Variants in SPACA6 observed in about 807,000 individuals in gnomAD.
The protein encoded by SPACA6 is sperm acrosome membrane-associated protein 6.
For missense variants in SPACA6, 8 were observed against 2.8 expected (o/e 2.88, Z -1.34); for synonymous variants, 6 against 1.5 (o/e 4.05, Z -2.21).
At position 51,703,530 on chromosome 19, in the gene SPACA6, C is replaced by T. The variant is rs2083486992; in HGVS notation, c.573+193C>T. 2.0e-5 allele frequency among the ~76,000 whole-genome samples: 3 copies of T among 152,170 alleles called. No homozygotes were observed. The South Asian group carries it at 6.2e-4, about 32-fold the overall frequency. ...CAGGACCAAGGACCTGGGGCGATGG[C>T]TCACGCCTGTAATCCCAGCGCTTTT... is the stretch of plus-strand genomic sequence containing the variant. On this transcript the variant is annotated intron_variant, in intron 6 of 8. Coordinates refer to ENST00000637797, the MANE Select transcript of SPACA6 (RefSeq NM_001316972.2). This position sits in a 1 kb window ranked among gnomAD's most constrained non-coding sequence, Gnocchi z 4.2.
downstream of SPACA6, among the ~76,000 whole-genome samples, chr19:51,705,894 A>G (rs766376567): frequency 6.6e-6 from 1 of 151,998 alleles, no homozygotes; most frequent in Non-Finnish European, 1.5e-5. Context: ...ACAGGGTTTC[A>G]CCATGTGGCC....
intron 1 of SPACA6, chr19:51,694,235 G>A (rs1045369568): frequency 2.7e-6 from 1 of 365,382 alleles, no homozygotes; most frequent in African/African-American, 2.1e-5. Context: ...AACCCAGAGA[G>A]AGGAGGACAG....
downstream of SPACA6, among the ~76,000 whole-genome samples, chr19:51,707,213 A>C (rs1025648960): frequency 6.7e-6 from 1 of 150,194 alleles, no homozygotes. Flanking sequence ...GTAAAACAAA[A>C]CTGTTTCTCT....
At chr19:51,701,153 C>T (rs1039920176) in intron 2 of SPACA6, among the ~76,000 whole-genome samples, 1 of 151,948 alleles carries the variant, frequency 6.6e-6, no homozygotes, top group Non-Finnish European at 1.5e-5. Flanking sequence ...ACCCAGGAGG[C>T]GGAGGTTGCG....
At chr19:51,700,019 C>T (rs1208368535) in intron 2 of SPACA6, among the ~76,000 whole-genome samples, 1 of 152,074 alleles carries the variant, frequency 6.6e-6, no homozygotes, top group Non-Finnish European at 1.5e-5. Flanking sequence ...TTTGGGAGGC[C>T]GAGGCAGGCG....
rs1040976848 is a variant in SPACA6 at position 51,703,091 on chromosome 19, C to T, written c.456C>T (p.Asp152=). The T allele has an allele frequency of 1.0e-5, 4 of 399,396 alleles. No homozygotes were observed. The highest frequency in any genetic ancestry group is 2.1e-5 in the African/African-American group (1 of 48,650). The allele number at this position is 399,396 out of a possible 1,614,324, so 24.7% of individuals were successfully genotyped here. ...CTAGGGTCTGCGACCTCCCGCTGGA[C>T]TGCCCAGGTGAGGGGGCGGGGCCTC... ...CYSRVCDLPL[D]CPVQDVTVTR... is the part of the protein sequence containing the mutation. Residue 152 remains aspartate (D), a synonymous_variant, in exon 5 of 9, where the codon GAC becomes GAT. Transcript: ENST00000637797. This position sits in a 1 kb window ranked among gnomAD's most constrained non-coding sequence, Gnocchi z 4.2.
At chr19:51,695,155 C>T (rs1209286734) in intron 2 of SPACA6, among the ~76,000 whole-genome samples, 1 of 152,156 alleles carries the variant, frequency 6.6e-6, no homozygotes, top group Non-Finnish European at 1.5e-5. Flanking sequence ...ACAGGAACAG[C>T]AGAGTGGATC....
Position 51,705,116 on chromosome 19 carries a change from G to T in SPACA6, c.968G>T (p.Gly323Val). ...ATGTTCTTTCGATGGTACTGCAGTG[G>T]CAACTAACAAAGGTATCTTTCCTCC... ...AWMFFRWYCS[G>V]N is the part of the protein sequence containing the mutation. The change falls in exon 9 of 9, where the codon GGC (glycine) becomes GTC (valine). Residue 323 changes from glycine to valine, a missense_variant. Coordinates refer to ENST00000637797, the MANE Select transcript of SPACA6 (RefSeq NM_001316972.2). The T allele has an allele frequency of 5.0e-6, 2 of 401,246 alleles. No individual in the cohort carries two copies. The highest frequency in any genetic ancestry group is 3.6e-5 in the East Asian group (1 of 28,082). The allele number at this position is 401,246 out of a possible 1,614,324, so 24.9% of individuals were successfully genotyped here. A position where few individuals can be genotyped will look rare whatever the true frequency, so the allele number is the denominator to read the frequency against.
chr19:51,703,373 C>T lies in SPACA6; in HGVS notation c.573+36C>T. ...GCGGGGCCGGCGCGAAGAGTTTAGA[C>T]GGGCGAGTTAGCCTTCACTAGAGGT... On this transcript the variant is annotated intron_variant, in intron 6 of 8. Transcript: ENST00000637797. The surrounding 1 kb of genome is among the most constrained non-coding windows in gnomAD (Gnocchi z 4.2). The T allele has an allele frequency of 2.5e-6, 1 of 399,192 alleles. No individual in the cohort carries two copies. Among genetic ancestry groups the T allele is most frequent in the Non-Finnish European group, 4.4e-6 (1 of 226,044 alleles). 24.7% of individuals were successfully genotyped at this position (399,192 alleles called of 1,614,324 possible).
chr19:51,707,996 C>G (rs981895182), downstream of SPACA6, among the ~76,000 whole-genome samples: 5 of 152,166 alleles, frequency 3.3e-5, no homozygotes, highest in African/African-American at 1.2e-4. Flanking sequence ...CTGCAAACCC[C>G]ATAGTTTAGG....
In SPACA6 at chr19:51,703,468, G is replaced by A. The variant is rs1012056049; in HGVS notation, c.573+131G>A. The A allele has an allele frequency of 2.5e-6, 1 of 396,996 alleles. No homozygotes were observed. Among genetic ancestry groups the A allele is most frequent in the East Asian group, 3.6e-5 (1 of 27,994 alleles). The allele number at this position is 396,996 out of a possible 1,614,324, so 24.6% of individuals were successfully genotyped here. ...AGACACAAGCATCAGCAAGAGGAGG[G>A]TCGCGGGATTTAGGGGAGAGCTCGA... On this transcript the variant is annotated intron_variant, in intron 6 of 8. Transcript: ENST00000637797. This position sits in a 1 kb window ranked among gnomAD's most constrained non-coding sequence, Gnocchi z 4.2.
chr19:51,709,253 C>T (rs1462409954), downstream of SPACA6, among the ~76,000 whole-genome samples: 1 of 150,606 alleles, frequency 6.6e-6, no homozygotes, highest in African/African-American at 2.4e-5. Context: ...TGCAGTGGCT[C>T]ATGCCTGCAA....
upstream of SPACA6, among the ~76,000 whole-genome samples, chr19:51,691,550 G>A (rs953328303): frequency 9.2e-5 from 14 of 151,918 alleles, 1 homozygote; most frequent in African/African-American, 3.1e-4. Flanking sequence ...AAACAGAAGC[G>A]GGGAGAGGAG....
chr19:51,708,315 A>G (rs927732552), downstream of SPACA6, among the ~76,000 whole-genome samples: 9 of 152,298 alleles, frequency 5.9e-5, no homozygotes, highest in East Asian at 1.4e-3. Flanking sequence ...AGGGACAAAC[A>G]CCAAATATGT....
At position 51,701,370 on chromosome 19, in the gene SPACA6, G is replaced by C. The variant is rs75673478; in HGVS notation, c.293-288G>C. ...TCTCCCCCCAACAAGCTACATGCAG[G>C]TGATGTCCAGGAGGACTTCCATCCT... On this transcript the variant is annotated intron_variant, in intron 2 of 8. Transcript: ENST00000637797. Among the ~76,000 whole-genome samples the C allele has an allele frequency of 5.5e-3, 836 of 152,310 alleles. 7 individuals carry two copies. The highest frequency in any genetic ancestry group is 0.019 in the African/African-American group (777 of 41,564).
downstream of SPACA6, among the ~76,000 whole-genome samples, chr19:51,708,021 C>A (rs1355118235): frequency 6.6e-6 from 1 of 152,184 alleles, no homozygotes; most frequent in Non-Finnish European, 1.5e-5. Flanking sequence ...GTTCTGGAGG[C>A]TGCACCATGT....
intron 2 of SPACA6, among the ~76,000 whole-genome samples, chr19:51,700,127 G>A (rs905278493): frequency 1.3e-5 from 2 of 152,166 alleles, no homozygotes; most frequent in Admixed American, 1.3e-4. Context: ...GGTGGTGGGT[G>A]CCTGTAATCC....
chr19:51,703,378 G>T lies in SPACA6; in HGVS notation c.573+41G>T. On this transcript the variant is annotated intron_variant, in intron 6 of 8. Transcript: ENST00000637797. The surrounding 1 kb of genome is among the most constrained non-coding windows in gnomAD (Gnocchi z 4.2). The stretch of plus-strand genomic sequence containing the variant: ...GCCGGCGCGAAGAGTTTAGACGGGC[G>T]AGTTAGCCTTCACTAGAGGTTGGGG... 7.5e-6 allele frequency: 3 copies of T among 399,128 alleles called. No homozygotes were observed. Among genetic ancestry groups the T allele is most frequent in the Non-Finnish European group, 1.3e-5 (3 of 225,984 alleles). 24.7% of individuals were successfully genotyped at this position (399,128 alleles called of 1,614,324 possible).
At chr19:51,692,517 C>G (rs1352928164), upstream of SPACA6, 1 of 440,584 alleles carries the variant, frequency 2.3e-6, no homozygotes, top group Admixed American at 3.2e-5. The surrounding 1 kb of genome is among the most constrained non-coding windows in gnomAD (Gnocchi z 5.6). Context: ...GGATGAGAGC[C>G]TTGACTCCAG....
Sources: allele counts gnomAD v4.1 joint callset (sites outside exome capture counted in the v4.1 genomes callset), GRCh38; gene constraint gnomAD v4.1.1; non-coding constraint Gnocchi (gnomAD v3.1); transcripts MANE v1.5; gene names NCBI Gene and HGNC (gene_info 2026-07-23, HGNC 2026-07-21).